The following RTN1 variants were observed in gnomAD, a reference collection of about 807,000 sequenced individuals.
RTN1 encodes reticulon-1.
In RTN1, 25 loss-of-function variants were observed where a neutral mutation model predicts 65.5. The ratio of observed to expected loss-of-function variants is 0.38; its 90% CI spans 0.28 to 0.53. RTN1 has a LOEUF of 0.53. Ranked by LOEUF, RTN1 falls within the 20% of genes least tolerant of loss-of-function variation. The pLI is 0.79. For missense variants in RTN1, 983 were observed against 1,025.4 expected, an observed-to-expected ratio of 0.96 and a Z score of 0.57; for synonymous variants, 471 against 447.6, an observed-to-expected ratio of 1.05 and a Z score of -0.66.
chr14:59,824,218 T>C (rs1282911973), intron 1 of RTN1, among the ~76,000 whole-genome samples: 1 of 152,238 alleles, frequency 6.6e-6, no homozygotes, highest in Non-Finnish European at 1.5e-5. Flanking sequence ...TTGTAAGTAC[T>C]CCTATTAAGT....
chr14:59,608,600 A>C (rs726462), intron 3 of RTN1, among the ~76,000 whole-genome samples: 2 of 152,016 alleles, frequency 1.3e-5, no homozygotes, highest in South Asian at 2.1e-4. Context: ...CTGGAGAGTA[A>C]ATCAGGTCTA....
chr14:59,716,142 A>T (rs1336267424), intron 3 of RTN1, among the ~76,000 whole-genome samples: 1 of 152,230 alleles, frequency 6.6e-6, no homozygotes, highest in Non-Finnish European at 1.5e-5. Context: ...TACATTTTTG[A>T]TATTAAATCT....
chr14:59,851,767 G>A (rs1014124392), intron 1 of RTN1, among the ~76,000 whole-genome samples: 1 of 150,950 alleles, frequency 6.6e-6, no homozygotes, highest in Non-Finnish European at 1.5e-5. Flanking sequence ...TGAGGCAAGG[G>A]AATCGCTTGA....
At chr14:59,688,803 G>C (rs1232714023) in intron 3 of RTN1, among the ~76,000 whole-genome samples, 2 of 151,886 alleles carry the variant, frequency 1.3e-5, no homozygotes, top group African/African-American at 4.8e-5. Context: ...TATAGGGAAA[G>C]ACAGAAAAAG....
At chr14:59,723,883 GT>G (rs1322539272) in intron 3 of RTN1, among the ~76,000 whole-genome samples, 1 of 152,126 alleles carries the variant, frequency 6.6e-6, no homozygotes, top group Non-Finnish European at 1.5e-5. Context: ...CCCAACAGGT[GT>G]CCCCCTGGAA....
At chr14:59,772,501 G>T (rs185603774) in intron 1 of RTN1, among the ~76,000 whole-genome samples, 1 of 151,280 alleles carries the variant, frequency 6.6e-6, no homozygotes, top group African/African-American at 2.4e-5. Context: ...ATTAAGTTAC[G>T]TGACAGCCCA....
intron 3 of RTN1, among the ~76,000 whole-genome samples, chr14:59,683,867 C>T (rs755182467): frequency 4.6e-5 from 7 of 152,172 alleles, no homozygotes; most frequent in South Asian, 2.1e-4. Context: ...CTCTTGCCAA[C>T]GCCAGCTCTC....
intron 3 of RTN1, among the ~76,000 whole-genome samples, chr14:59,709,302 G>C (rs779399832): frequency 6.6e-6 from 1 of 152,018 alleles, no homozygotes; most frequent in African/African-American, 2.4e-5. Context: ...TATTTTGTTT[G>C]CTCAAGGTAT....
chr14:59,637,928 T>C (rs1376138712), intron 3 of RTN1, among the ~76,000 whole-genome samples: 1 of 151,584 alleles, frequency 6.6e-6, no homozygotes, highest in Non-Finnish European at 1.5e-5. Flanking sequence ...CTCGGCTCAC[T>C]GCAACTTCCG....
intron 8 of RTN1, 31 bp from the exon 9 acceptor site, chr14:59,596,818 C>A: frequency 6.4e-7 from 1 of 1,572,964 alleles, no homozygotes; most frequent in South Asian, 1.1e-5. Context: ...GGTAGTAAAT[C>A]ACAAGTGTTA....
At chr14:59,786,601 G>A (rs1260842915) in intron 1 of RTN1, among the ~76,000 whole-genome samples, 1 of 152,190 alleles carries the variant, frequency 6.6e-6, no homozygotes, top group African/African-American at 2.4e-5. Context: ...AGGGCAGAAA[G>A]AGTTTTGAGA....
chr14:59,819,506 C>G (rs1402790751), intron 1 of RTN1, among the ~76,000 whole-genome samples: 2 of 147,714 alleles, frequency 1.4e-5, no homozygotes, highest in Non-Finnish European at 3.0e-5. Context: ...CAAGCCCCCA[C>G]CCCCTCAACT....
At chr14:59,858,511 T>C (rs1311700375) in intron 1 of RTN1, among the ~76,000 whole-genome samples, 1 of 150,350 alleles carries the variant, frequency 6.7e-6, no homozygotes, top group East Asian at 2.0e-4. Flanking sequence ...TTGCTATGCA[T>C]AAAACAAAAT....
rs1316962274 is a variant in RTN1, at chr14:59,816,059, T to C, written c.241+54331A>G. On this transcript the variant is annotated intron_variant, in intron 1 of 8. Coordinates refer to ENST00000267484, the MANE Select transcript of RTN1 (RefSeq NM_021136.3). This position sits in a 1 kb window ranked among gnomAD's most constrained non-coding sequence, Gnocchi z 4.3. ...TTCCTGGATTAATCCCTACACCACA[T>C]AGTTTATTCAACATCACCAAATACA... is the stretch of plus-strand genomic sequence containing the variant. Among the ~76,000 whole-genome samples the C allele has an allele frequency of 6.6e-6, 1 of 152,176 alleles. No homozygotes were observed. Among genetic ancestry groups the C allele is most frequent in the Non-Finnish European group, 1.5e-5 (1 of 68,028 alleles).
chr14:59,738,968 T>C lies in RTN1; in HGVS notation c.1015+6740A>G, dbSNP rs537877573. 9.2e-5 allele frequency among the ~76,000 whole-genome samples: 14 copies of C among 152,098 alleles called. No individual in the cohort carries two copies. The South Asian group carries it at 2.9e-3, about 32-fold the overall frequency. On this transcript the variant is annotated intron_variant, in intron 2 of 8. Coordinates refer to ENST00000267484, the MANE Select transcript of RTN1 (RefSeq NM_021136.3). ...GAATGATAAGAACACATGGACATAT[T>C]GAGGGGGAGCAACACACACTGGGGC...
chr14:59,706,988 C>A (rs1007575076), intron 3 of RTN1, among the ~76,000 whole-genome samples: 3 of 152,174 alleles, frequency 2.0e-5, no homozygotes, highest in African/African-American at 7.2e-5. Context: ...AGAAAAGTTT[C>A]TTTGTTACTC....
chr14:59,607,804 G>A (rs1272990638), intron 3 of RTN1, among the ~76,000 whole-genome samples: 2 of 151,762 alleles, frequency 1.3e-5, no homozygotes, highest in African/African-American at 4.8e-5. Flanking sequence ...CCTGAATTAT[G>A]TGACTTTGAA....
chr14:59,710,086 A>T, intron 3 of RTN1, among the ~76,000 whole-genome samples: 1 of 131,236 alleles, frequency 7.6e-6, no homozygotes, highest in Non-Finnish European at 1.5e-5. Context: ...TCTGTTGCCC[A>T]GGCTGGAGTG....
chr14:59,862,483 A>T (rs1347068616), intron 1 of RTN1, among the ~76,000 whole-genome samples: 1 of 152,054 alleles, frequency 6.6e-6, no homozygotes, highest in Non-Finnish European at 1.5e-5. Flanking sequence ...CTACCAAATC[A>T]TCATCTCTTA....
Sources: allele counts gnomAD v4.1 joint callset (sites outside exome capture counted in the v4.1 genomes callset), GRCh38; gene constraint gnomAD v4.1.1; non-coding constraint Gnocchi (gnomAD v3.1); transcripts MANE v1.5; gene names NCBI Gene and HGNC (gene_info 2026-07-23, HGNC 2026-07-21).